The following ZBTB20 variants were observed in gnomAD, a reference collection of about 807,000 sequenced individuals.
The protein encoded by ZBTB20 is zinc finger and BTB domain containing 20.
Under a neutral mutation model 56.9 loss-of-function variants are expected in ZBTB20, and 9 were observed. That is an observed-to-expected ratio of 0.16 (90% CI 0.10 to 0.28). The LOEUF is 0.28. Among genes scored for constraint, ZBTB20 ranks in the 10% least tolerant of loss-of-function variants. The pLI is 1.00. For synonymous variants in ZBTB20, 417 were observed against 420.7 expected, an observed-to-expected ratio of 0.99 and a Z score of 0.11; for missense variants, 655 against 1,003.0, an observed-to-expected ratio of 0.65 and a Z score of 4.69.
chr3:114,747,317 G>C (rs2067115368), intron 5 of ZBTB20, among the ~76,000 whole-genome samples: 1 of 152,146 alleles, frequency 6.6e-6, no homozygotes, highest in Admixed American at 6.5e-5. Context: ...TGTAGTCCCA[G>C]CACTTTGAGA....
In ZBTB20 at chr3:114,332,039, A is replaced by C. The variant is rs1179563290; in HGVS notation, c.*6966T>G. ...TAAAAACAACTGTTGCAACACTAGT[A>C]GAAACAGATGCCCCCAAGGTTTTTT... On this transcript the variant is annotated 3_prime_UTR_variant, in exon 12 of 12. Coordinates refer to ENST00000675478, the MANE Select transcript of ZBTB20 (RefSeq NM_001348800.3). 2 of 150,670 alleles carry C rather than the reference A, an allele frequency of 1.3e-5. No homozygotes were observed. Among genetic ancestry groups the C allele is most frequent in the African/African-American group, 2.4e-5 (1 of 41,024 alleles). 9.3% of individuals were successfully genotyped at this position (150,670 alleles called of 1,614,324 possible).
Position 114,331,108 on chromosome 3 carries a change from T to TGC in ZBTB20, c.*7896_*7897insGC, listed in dbSNP as rs1347308906. On this transcript the variant is annotated 3_prime_UTR_variant, in exon 12 of 12. Transcript: ENST00000675478. Reference sequence around the variant, plus strand: ...CTTTAGTTTGAGAATAAAATTTATGTGTGTGTGTGTGTGTGTGTGTGTGTG... The same window carrying TGC: ...CTTTAGTTTGAGAATAAAATTTATGTGCGTGTGTGTGTGTGTGTGTGTGTGTG... The TGC allele has an allele frequency of 9.3e-6, 1 of 107,700 alleles. No individual in the cohort carries two copies. Among genetic ancestry groups the TGC allele is most frequent in the Non-Finnish European group, 1.7e-5 (1 of 58,898 alleles). The allele number at this position is 107,700 out of a possible 1,614,324, so 6.7% of individuals were successfully genotyped here.
intron 1 of ZBTB20, among the ~76,000 whole-genome samples, chr3:115,094,966 T>TTATA (rs2083326091): frequency 6.6e-6 from 1 of 152,056 alleles, no homozygotes; most frequent in Non-Finnish European, 1.5e-5. Context: ...TACCATAATT[T>TTATA]TATATTTGTT....
rs2076943862 is a variant in ZBTB20 at position 114,948,077 on chromosome 3, A to G, written c.-456+26289T>C. Among the ~76,000 whole-genome samples the G allele has an allele frequency of 2.1e-5, 3 of 146,044 alleles. 1 individual carries two copies. The highest frequency in any genetic ancestry group is 8.3e-5 in the African/African-American group (3 of 35,974). On this transcript the variant is annotated intron_variant, in intron 3 of 11. Coordinates refer to ENST00000675478, the MANE Select transcript of ZBTB20 (RefSeq NM_001348800.3). The stretch of plus-strand genomic sequence containing the variant: ...ATATCTTAAAGAAAATATTAAGAAA[A>G]TCAAATTCTCTATGAAAAGGATAAT...
At chr3:114,659,159 T>C (rs1236483737) in intron 6 of ZBTB20, among the ~76,000 whole-genome samples, 1 of 152,178 alleles carries the variant, frequency 6.6e-6, no homozygotes, top group East Asian at 1.9e-4. Flanking sequence ...TGGTACCCAA[T>C]CCTTTAACTC....
At chr3:114,560,051 T>C (rs1365675303) in intron 6 of ZBTB20, among the ~76,000 whole-genome samples, 1 of 152,196 alleles carries the variant, frequency 6.6e-6, no homozygotes, top group African/African-American at 2.4e-5. Context: ...TTTATCAGCA[T>C]TGATGCAGTG....
At chr3:114,399,700 A>G (rs982943647) in intron 7 of ZBTB20, among the ~76,000 whole-genome samples, 1 of 152,082 alleles carries the variant, frequency 6.6e-6, no homozygotes, top group African/African-American at 2.4e-5. Flanking sequence ...CAAGACTGCT[A>G]TTTTCTGAGA....
At chr3:114,862,775 C>T (rs1422348722) in intron 4 of ZBTB20, among the ~76,000 whole-genome samples, 1 of 152,106 alleles carries the variant, frequency 6.6e-6, no homozygotes, top group African/African-American at 2.4e-5. Flanking sequence ...TGAAACACAA[C>T]CTGTTTGTAA....
intron 2 of ZBTB20, among the ~76,000 whole-genome samples, chr3:115,058,119 A>G (rs1473444491): frequency 2.0e-5 from 3 of 152,038 alleles, no homozygotes; most frequent in Admixed American, 2.0e-4. Flanking sequence ...ATTACCTCCC[A>G]CCGGGTCCCT....
rs957856501 is a variant in ZBTB20, at chr3:114,785,918, C to T, written c.-343+15183G>A. On this transcript the variant is annotated intron_variant, in intron 5 of 11. Transcript: ENST00000675478. ...ATAATTGAAAGTGTGTACCCTTTGA[C>T]GAACTTCTCCTGATATCCCTGTCCC... is the stretch of plus-strand genomic sequence containing the variant. 5.9e-5 allele frequency among the ~76,000 whole-genome samples: 9 copies of T among 152,220 alleles called. No homozygotes were observed. In the South Asian group the frequency reaches 6.2e-4, roughly 11 times the overall value.
intron 1 of ZBTB20, among the ~76,000 whole-genome samples, chr3:115,101,427 C>T (rs2083579188): frequency 6.6e-6 from 1 of 152,080 alleles, no homozygotes; most frequent in South Asian, 2.1e-4. Context: ...ACCCACTTTC[C>T]CCACTCCTAG....
Position 115,003,950 on chromosome 3 carries a change from C to A in ZBTB20, c.-506-29534G>T, listed in dbSNP as rs75215523. Among the ~76,000 whole-genome samples the A allele has an allele frequency of 8.0e-3, 1,210 of 151,592 alleles. 8 individuals carry two copies. The highest frequency in any genetic ancestry group is 0.013 in the South Asian group (62 of 4,802). On this transcript the variant is annotated intron_variant, in intron 2 of 11. Transcript: ENST00000675478. ...TATTATGTCTTCATTATTATATTGTCAGAACAAAAGGATTCAGGTTATTTA... is the reference window on the plus strand; with the variant it reads ...TATTATGTCTTCATTATTATATTGTAAGAACAAAAGGATTCAGGTTATTTA...
At chr3:114,820,622 TA>T (rs761856708) in intron 4 of ZBTB20, among the ~76,000 whole-genome samples, 1 of 152,060 alleles carries the variant, frequency 6.6e-6, no homozygotes, top group Non-Finnish European at 1.5e-5. Context: ...GAAATTCACT[TA>T]AGGGAAAAAA....
At chr3:114,657,282 T>C (rs2060467074) in intron 6 of ZBTB20, among the ~76,000 whole-genome samples, 1 of 152,232 alleles carries the variant, frequency 6.6e-6, no homozygotes, top group Admixed American at 6.5e-5. Context: ...CTTTCTATAA[T>C]TAATTTCTTA....
At chr3:114,571,052 C>T (rs991301639) in intron 6 of ZBTB20, among the ~76,000 whole-genome samples, 1 of 151,816 alleles carries the variant, frequency 6.6e-6, no homozygotes, top group Non-Finnish European at 1.5e-5. Context: ...GTGTGTTGAA[C>T]TTTGTAAAAA....
At chr3:114,803,612 C>A (rs905215839) in intron 4 of ZBTB20, among the ~76,000 whole-genome samples, 7 of 151,560 alleles carry the variant, frequency 4.6e-5, no homozygotes, top group Non-Finnish European at 8.8e-5. Flanking sequence ...CCTCATGGAA[C>A]AAATCAGTAA....
At chr3:114,483,551 C>T (rs890826894) in intron 7 of ZBTB20, among the ~76,000 whole-genome samples, 15 of 151,970 alleles carry the variant, frequency 9.9e-5, no homozygotes, top group South Asian at 4.2e-4. Flanking sequence ...TATAAGCATA[C>T]GGCCTGAATC....
intron 7 of ZBTB20, among the ~76,000 whole-genome samples, chr3:114,411,970 G>C (rs145710121): frequency 6.6e-6 from 1 of 152,190 alleles, no homozygotes; most frequent in Non-Finnish European, 1.5e-5. Flanking sequence ...TAGTATTCGG[G>C]GTATTAAAAG....
At chr3:114,447,979 G>A (rs888986054) in intron 7 of ZBTB20, among the ~76,000 whole-genome samples, 2 of 152,152 alleles carry the variant, frequency 1.3e-5, no homozygotes, top group Admixed American at 6.6e-5. Context: ...ACCATCCCTT[G>A]GAAGTAGAAA....
Sources: gnomAD v4.1 joint callset for allele counts (sites outside exome capture counted in the v4.1 genomes callset) on GRCh38, gnomAD v4.1.1 for gene constraint, MANE v1.5 for transcripts, NCBI Gene and HGNC (gene_info 2026-07-23, HGNC 2026-07-21) for gene names.